HELZ2: variants seen among roughly 807,000 people sequenced by gnomAD.
HELZ2 encodes the protein 3'-5' exoribonuclease HELZ2.
HELZ2 carries 143 observed loss-of-function variants against 208.8 expected under a neutral mutation model. The ratio of observed to expected loss-of-function variants is 0.68; its 90% confidence interval spans 0.60 to 0.79. HELZ2 has a LOEUF of 0.79. Among genes scored for constraint, HELZ2 ranks in the 30% least tolerant of loss-of-function variants. HELZ2 has a pLI of 0.00. For missense variants in HELZ2, 3,690 were observed against 3,794.5 expected (o/e 0.97, Z 0.72); for synonymous variants, 1,705 against 1,693.7 (o/e 1.01, Z -0.16).
exon 8 of HELZ2, chr20:63,563,496 G>C: frequency 6.6e-7 from 1 of 1,511,090 alleles, no homozygotes. Context: ...GCCAGCTGCA[G>C]GGAGCCGTAG....
chr20:63,568,402 G>C, exon 5 of HELZ2: 1 of 1,610,350 alleles, frequency 6.2e-7, no homozygotes, highest in South Asian at 1.1e-5. Flanking sequence ...CAGGCCTCCG[G>C]ATGACCTCCA....
At chr20:63,561,898 G>T (rs752421595) in exon 11 of HELZ2, 11 of 1,575,226 alleles carry the variant, frequency 7.0e-6, no homozygotes, top group Admixed American at 1.8e-5. Context: ...TTCTCCCCAC[G>T]GGGGGGGCCT....
At chr20:63,559,232 G>A (rs1331925311) in exon 19 of HELZ2, 8 of 1,528,838 alleles carry the variant, frequency 5.2e-6, no homozygotes, top group Non-Finnish European at 6.2e-6. Context: ...CACCTTGCAG[G>A]TGGAGAGGGC....
At chr20:63,563,968 C>T in exon 8 of HELZ2, 1 of 1,598,284 alleles carries the variant, frequency 6.3e-7, no homozygotes, top group Non-Finnish European at 8.5e-7. Flanking sequence ...CCAAGTCCAC[C>T]ATCTGTTCGT....
At chr20:63,572,221 G>A (rs559847022) in exon 1 of HELZ2, 30 of 1,602,598 alleles carry the variant, frequency 1.9e-5, no homozygotes, top group South Asian at 6.7e-5. Context: ...AGTGGTTCTC[G>A]AAGGCCTCCT....
In HELZ2 at chr20:63,563,091, G is replaced by T. The variant is rs767956654; in HGVS notation, c.5731C>A (p.Leu1911Ile). 2.5e-6 allele frequency: 4 copies of T among 1,598,690 alleles called. No homozygotes were observed. The Admixed American group carries it at 6.8e-5, about 27-fold the overall frequency. ...GGCCGCTCCACGTGCTCCAGGCAGA[G>T]GCTGAAGCCCGGTGCCACCGTCCAG... Residue 1911 changes from leucine (L) to isoleucine (I), a missense_variant, in exon 8 of 19, where the codon CTC becomes ATC. Around this residue, in one of 3 missense-constraint regions of HELZ2, gnomAD observed 2,564 missense variants for 2,580.5 expected, o/e 0.99. Transcript: ENST00000467148.
At position 63,562,472 on chromosome 20, in the gene HELZ2, GC is replaced by G; in HGVS notation, c.6302+47del. Reference sequence around the variant, plus strand: ...AGCTCCCCCCTCCTGCAAGTGAGGGGCCCGGGGCGGTCCCCCAGCCCAGCCT... The same window carrying G: ...AGCTCCCCCCTCCTGCAAGTGAGGGGCCGGGGCGGTCCCCCAGCCCAGCCT... On this transcript the variant is annotated intron_variant, in intron 8 of 18. Coordinates refer to ENST00000467148, the Ensembl canonical transcript of HELZ2. 2.0e-6 allele frequency: 3 copies of G among 1,529,946 alleles called. No homozygotes were observed. The South Asian group carries it at 3.6e-5, about 18-fold the overall frequency. 94.8% of individuals were successfully genotyped at this position (1,529,946 alleles called of 1,614,324 possible).
intron 6 of HELZ2, 138 bp downstream of exon 7, chr20:63,566,704 ACC>A: frequency 1.2e-6 from 1 of 863,960 alleles, no homozygotes; most frequent in Non-Finnish European, 1.7e-6. Context: ...GCCGAGCCCC[ACC>A]TCAGCCCTGG....
At chr20:63,558,403 C>T (rs1252683602), downstream of HELZ2, 1 of 152,282 alleles carries the variant, frequency 6.6e-6, no homozygotes, top group Non-Finnish European at 1.5e-5. Flanking sequence ...GGGGTGGGCC[C>T]CTGGCTTTGG....
chr20:63,558,733 T>A (rs944834186), downstream of HELZ2: 1 of 152,248 alleles, frequency 6.6e-6, no homozygotes, highest in Non-Finnish European at 1.5e-5. Flanking sequence ...AGACGGGGTT[T>A]CACCATGTTG....
exon 14 of HELZ2, chr20:63,561,155 A>G (rs1370314641): frequency 6.2e-7 from 1 of 1,613,054 alleles, no homozygotes. Flanking sequence ...CTCGTCAACA[A>G]GGATCTGCCT....
At chr20:63,563,400 G>A (rs1161699810) in exon 8 of HELZ2, 2 of 1,535,684 alleles carry the variant, frequency 1.3e-6, no homozygotes, top group East Asian at 2.4e-5. Context: ...AGTGGCAGGG[G>A]CGGGCTGGAT....
chr20:63,563,512 G>A (rs568050789), exon 8 of HELZ2: 82 of 1,510,408 alleles, frequency 5.4e-5, no homozygotes, highest in Admixed American at 3.3e-4. Flanking sequence ...CGTAGGGGAC[G>A]GGGCAGGGGT....
chr20:63,562,995 A>G, exon 8 of HELZ2: 2 of 1,600,216 alleles, frequency 1.2e-6, no homozygotes, highest in Non-Finnish European at 1.7e-6. Flanking sequence ...TCCCACACGC[A>G]GGCGTACTCA....
chr20:63,561,397 G>T, exon 13 of HELZ2: 1 of 1,613,012 alleles, frequency 6.2e-7, no homozygotes, highest in Non-Finnish European at 8.5e-7. Flanking sequence ...GCAGCCGGGT[G>T]TCAAAGGCCT....
chr20:63,561,973 T>C, exon 11 of HELZ2: 1 of 1,595,476 alleles, frequency 6.3e-7, no homozygotes, highest in Non-Finnish European at 8.6e-7. Context: ...CCCACGATCG[T>C]CTTCCCTGTA....
chr20:63,559,905 G>A, intron 18 of HELZ2, 23 bp downstream of exon 19: 4 of 1,604,140 alleles, frequency 2.5e-6, no homozygotes, highest in Non-Finnish European at 3.4e-6. Flanking sequence ...TCCCACCCTG[G>A]AAGAGCCCAG....
At chr20:63,567,228 C>T (rs752837322) in exon 6 of HELZ2, 9 of 1,607,704 alleles carry the variant, frequency 5.6e-6, no homozygotes, top group Non-Finnish European at 7.6e-6. Flanking sequence ...GCTCGGCCGC[C>T]CGGGCCCTGG....
chr20:63,561,729 C>G (rs1420622195), exon 12 of HELZ2: 2 of 1,605,906 alleles, frequency 1.2e-6, no homozygotes, highest in Non-Finnish European at 1.7e-6. Context: ...TCAGCTCCAT[C>G]CTTCTCAGGA....
Sources: gnomAD v4.1 joint callset for allele counts on GRCh38, gnomAD v4.1.1 for gene constraint, gnomAD v4.1.1 regional missense constraint, MANE v1.5 for transcripts, NCBI Gene and HGNC (gene_info 2026-07-23, HGNC 2026-07-21) for gene names.